The following PARVG variants were observed in gnomAD, a reference collection of about 807,000 sequenced individuals.
PARVG encodes parvin gamma.
PARVG carries 36 observed loss-of-function variants against 44.4 expected under a neutral mutation model. That is an observed-to-expected ratio of 0.81 (90% CI 0.62 to 1.07). The LOEUF (loss-of-function observed/expected upper bound fraction) is 1.07. Ranked by LOEUF, PARVG falls within the 50% of genes least tolerant of loss-of-function variation. The pLI, the probability that PARVG is intolerant of heterozygous loss-of-function variation, is 0.00. For synonymous variants in PARVG, 170 were observed against 174.1 expected, an observed-to-expected ratio of 0.98 and a Z score of 0.19; for missense variants, 407 against 407.4, an observed-to-expected ratio of 1.00 and a Z score of 0.01.
upstream of PARVG, among the ~76,000 whole-genome samples, chr22:44,179,727 A>C (rs151058931): frequency 8.3e-4 from 124 of 148,546 alleles, 2 homozygotes; most frequent in African/African-American, 2.8e-3. This position sits in a 1 kb window ranked among gnomAD's most constrained non-coding sequence, Gnocchi z 4.2. Context: ...TGTTGCCTGC[A>C]ATTGTTTCTG....
intron 12 of PARVG, among the ~76,000 whole-genome samples, chr22:44,200,440 T>G (rs920945765): frequency 6.6e-6 from 1 of 152,180 alleles, no homozygotes; most frequent in Non-Finnish European, 1.5e-5. Context: ...TGGAGAACCA[T>G]CGAGGAGAAA....
intron 12 of PARVG, among the ~76,000 whole-genome samples, chr22:44,201,230 T>C (rs1271843745): frequency 6.6e-6 from 1 of 152,090 alleles, no homozygotes; most frequent in Non-Finnish European, 1.5e-5. Flanking sequence ...CACACTCCCT[T>C]GGGGTTAGCT....
At chr22:44,187,677 G>C in intron 4 of PARVG, 99 bp from the exon 5 acceptor site, 1 of 1,071,364 alleles carries the variant, frequency 9.3e-7, no homozygotes, top group Non-Finnish European at 1.4e-6. Flanking sequence ...TTGAAAGATG[G>C]GTAGGAGTTG....
intron 5 of PARVG, chr22:44,188,578 G>A (rs946980731): frequency 8.0e-5 from 13 of 162,660 alleles, no homozygotes; most frequent in African/African-American, 3.1e-4. Context: ...AGCACTTCCG[G>A]GCATGTCCCA....
chr22:44,203,161 G>A (rs140993589), intron 12 of PARVG, among the ~76,000 whole-genome samples: 60 of 152,296 alleles, frequency 3.9e-4, no homozygotes, highest in South Asian at 1.2e-3. Context: ...TTTCAGTGTC[G>A]ATAGCAATTC....
upstream of PARVG, among the ~76,000 whole-genome samples, chr22:44,179,787 C>T (rs1438809958): frequency 1.3e-5 from 2 of 152,194 alleles, no homozygotes; most frequent in Non-Finnish European, 2.9e-5. This position sits in a 1 kb window ranked among gnomAD's most constrained non-coding sequence, Gnocchi z 4.2. Context: ...ATTAGAGTCT[C>T]TTCAGTTGTT....
At chr22:44,198,419 G>A (rs2054646416) in intron 11 of PARVG, among the ~76,000 whole-genome samples, 1 of 152,202 alleles carries the variant, frequency 6.6e-6, no homozygotes, top group African/African-American at 2.4e-5. Context: ...TTTTCACTGA[G>A]CATGTACTAT....
At chr22:44,183,541 C>T (rs533273027) in intron 3 of PARVG, 133 bp downstream of exon 3, 2 of 779,814 alleles carry the variant, frequency 2.6e-6, no homozygotes, top group South Asian at 2.1e-5. Context: ...CCTGCCTCCA[C>T]CTTCTGCTTT....
chr22:44,190,786 AC>A (rs1443356919), intron 7 of PARVG, 120 bp downstream of exon 7: 1 of 810,152 alleles, frequency 1.2e-6, no homozygotes, highest in African/African-American at 1.7e-5. Context: ...GTTTCAGGGA[AC>A]CCTGAGAAAT....
upstream of PARVG, among the ~76,000 whole-genome samples, chr22:44,177,429 G>A (rs1420048231): frequency 2.0e-5 from 3 of 152,156 alleles, no homozygotes; most frequent in African/African-American, 7.2e-5. Context: ...TTGTCTCAAT[G>A]ATGTCCTTTA....
chr22:44,193,583 G>A (rs911465321), intron 8 of PARVG, among the ~76,000 whole-genome samples: 2 of 152,186 alleles, frequency 1.3e-5, no homozygotes, highest in African/African-American at 4.8e-5. Flanking sequence ...TTCTAGGTGT[G>A]GAAGCCTCAG....
At chr22:44,198,213 G>A (rs1015974529) in intron 11 of PARVG, among the ~76,000 whole-genome samples, 3 of 152,170 alleles carry the variant, frequency 2.0e-5, no homozygotes, top group Non-Finnish European at 4.4e-5. Flanking sequence ...CTTTATCTCT[G>A]AACATACAGA....
chr22:44,195,371 C>T (rs2054604506), intron 9 of PARVG, among the ~76,000 whole-genome samples: 3 of 152,318 alleles, frequency 2.0e-5, no homozygotes, highest in Middle Eastern at 3.4e-3. Context: ...CTGTGACTTG[C>T]TTAGAGTCAC....
At chr22:44,176,869 G>T (rs2054323873), upstream of PARVG, among the ~76,000 whole-genome samples, 4 of 152,134 alleles carry the variant, frequency 2.6e-5, no homozygotes, top group Admixed American at 2.6e-4. Flanking sequence ...AGGAGCAAAG[G>T]CATATCTTAC....
At position 44,189,098 on chromosome 22, in the gene PARVG, C is replaced by A; in HGVS notation, c.248-16C>A. ...GTCCCCGGCCAGGGGTCCTCACCAC[C>A]CTCTCCTGCCTCCAGAGAGGCTGGC... On this transcript the variant is annotated splice_polypyrimidine_tract_variant and intron_variant, in intron 5 of 13. Transcript: ENST00000444313. 6.2e-7 allele frequency: 1 copy of A among 1,613,858 alleles called. No individual in the cohort carries two copies. The highest frequency in any genetic ancestry group is 8.5e-7 in the Non-Finnish European group (1 of 1,180,012).
upstream of PARVG, among the ~76,000 whole-genome samples, chr22:44,177,655 T>C (rs2054331512): frequency 6.6e-6 from 1 of 152,176 alleles, no homozygotes; most frequent in South Asian, 2.1e-4. Context: ...GTAGAAGTGA[T>C]GTGTTCCTCT....
At chr22:44,184,875 C>A (rs954890485) in intron 3 of PARVG, 3 of 152,250 alleles carry the variant, frequency 2.0e-5, no homozygotes, top group Middle Eastern at 3.4e-3. Context: ...AACAAAAAAA[C>A]CCATTAATTT....
rs562736457 is a variant in PARVG at position 44,199,040 on chromosome 22, G to A, written c.813+318G>A. Reference sequence around the variant, plus strand: ...CTACCCATTATCTACCTACCTGACCGCCTATTAGCCCTCCTGTTCACCTAC... The same window carrying A: ...CTACCCATTATCTACCTACCTGACCACCTATTAGCCCTCCTGTTCACCTAC... On this transcript the variant is annotated intron_variant, in intron 12 of 13. Transcript: ENST00000444313. Among the ~76,000 whole-genome samples, 126 of 130,936 alleles carry A rather than the reference G, an allele frequency of 9.6e-4. 1 individual carries two copies. Among genetic ancestry groups the A allele is most frequent in the African/African-American group, 3.7e-3 (118 of 31,754 alleles). 85.9% of individuals were successfully genotyped at this position (130,936 alleles called of 152,430 possible).
At chr22:44,192,980 A>G (rs2054570278) in intron 8 of PARVG, among the ~76,000 whole-genome samples, 1 of 152,188 alleles carries the variant, frequency 6.6e-6, no homozygotes, top group African/African-American at 2.4e-5. Flanking sequence ...GATGCTGGCC[A>G]GGTGGGGCTG....
Sources: gnomAD v4.1 joint callset for allele counts (sites outside exome capture counted in the v4.1 genomes callset) on GRCh38, gnomAD v4.1.1 for gene constraint, Gnocchi (gnomAD v3.1) non-coding constraint, MANE v1.5 for transcripts, NCBI Gene and HGNC (gene_info 2026-07-23, HGNC 2026-07-21) for gene names.